CUX1: variants seen among roughly 807,000 people sequenced by gnomAD.
CUX1 encodes cut like homeobox 1.
In CUX1, 31 loss-of-function variants were observed where a neutral mutation model predicts 158.8. That is an observed-to-expected ratio of 0.20 (90% CI 0.15 to 0.26). The LOEUF is 0.26. Among genes scored for constraint, CUX1 ranks in the 10% least tolerant of loss-of-function variants. CUX1 has a pLI of 1.00. For synonymous variants in CUX1, 879 were observed against 862.1 expected, an observed-to-expected ratio of 1.02 and a Z score of -0.34; for missense variants, 1,589 against 2,014.6, an observed-to-expected ratio of 0.79 and a Z score of 4.04.
chr7:101,961,777 G>A (rs1263577329), intron 2 of CUX1: 2 of 151,286 alleles, frequency 1.3e-5, no homozygotes, highest in Non-Finnish European at 2.9e-5. Context: ...TCCAGAGGCT[G>A]AGGCAGGAAG....
chr7:102,075,573 A>C (rs575384495), intron 4 of CUX1, among the ~76,000 whole-genome samples: 13 of 152,336 alleles, frequency 8.5e-5, no homozygotes, highest in Non-Finnish European at 1.8e-4. Context: ...TGCTAAATGA[A>C]TGCAGAAATT....
chr7:102,203,035 C>T (rs1275442804), intron 18 of CUX1, among the ~76,000 whole-genome samples: 4 of 152,160 alleles, frequency 2.6e-5, no homozygotes, highest in African/African-American at 9.7e-5. Flanking sequence ...GACGCTATCT[C>T]GGCTCACTGC....
Position 102,257,810 on chromosome 7 carries a change from G to A in CUX1, c.*8768G>A, listed in dbSNP as rs1790061194. On this transcript the variant is annotated 3_prime_UTR_variant, in exon 24 of 24. Transcript: ENST00000292535. ...TCTTAGATCTTTCTAGAGCTTGTTT[G>A]TTCATCCTCACAATCACAGATTTTT... is the stretch of plus-strand genomic sequence containing the variant. 1 of 979,790 alleles carries A rather than the reference G, an allele frequency of 1.0e-6. No homozygotes were observed. Among genetic ancestry groups the A allele is most frequent in the Non-Finnish European group, 1.2e-6 (1 of 829,140 alleles). 60.7% of individuals were successfully genotyped at this position (979,790 alleles called of 1,614,324 possible).
intron 6 of CUX1, among the ~76,000 whole-genome samples, chr7:102,105,073 G>C (rs1830189734): frequency 6.6e-6 from 1 of 152,174 alleles, no homozygotes; most frequent in South Asian, 2.1e-4. Flanking sequence ...CCTGGGCTGA[G>C]ACCAGAGAGG....
intron 20 of CUX1, among the ~76,000 whole-genome samples, chr7:102,219,724 G>A (rs1400371424): frequency 1.3e-5 from 2 of 152,228 alleles, no homozygotes; most frequent in African/African-American, 4.8e-5. Context: ...GGAAGGAGGT[G>A]CAGAAAGCTC....
intron 1 of CUX1, among the ~76,000 whole-genome samples, chr7:101,904,912 G>A (rs1290010679): frequency 2.6e-5 from 4 of 152,176 alleles, no homozygotes; most frequent in Admixed American, 1.3e-4. Flanking sequence ...ATCTTTATAC[G>A]AGGTGGAGTC....
chr7:102,251,354 T>A lies in CUX1; in HGVS notation c.*2312T>A. ...TTGACTGTAAGATGTGAAACCACGT[T>A]TCTTGCATGATGTTTTAGAGATTAT... On this transcript the variant is annotated 3_prime_UTR_variant, in exon 24 of 24. Coordinates refer to ENST00000292535, the MANE Select transcript of CUX1 (RefSeq NM_181552.4). The A allele has an allele frequency of 1.0e-6, 1 of 985,454 alleles. No homozygotes were observed. The highest frequency in any genetic ancestry group is 1.2e-6 in the Non-Finnish European group (1 of 829,932). 61.0% of individuals were successfully genotyped at this position (985,454 alleles called of 1,614,324 possible).
chr7:101,955,334 T>C (rs946832709), intron 2 of CUX1, among the ~76,000 whole-genome samples: 5 of 152,224 alleles, frequency 3.3e-5, no homozygotes, highest in Non-Finnish European at 7.3e-5. Flanking sequence ...AGCAAGCACC[T>C]GCTGCTTGTA....
intron 8 of CUX1, among the ~76,000 whole-genome samples, chr7:102,151,422 G>A (rs1035262991): frequency 3.9e-5 from 6 of 152,106 alleles, no homozygotes; most frequent in South Asian, 2.1e-4. Flanking sequence ...GTGTGGTGGC[G>A]CATACCTGTA....
intron 2 of CUX1, among the ~76,000 whole-genome samples, chr7:101,959,782 G>A (rs1810240891): frequency 6.6e-6 from 1 of 152,128 alleles, no homozygotes; most frequent in Admixed American, 6.5e-5. Flanking sequence ...TAATTAATGG[G>A]AAGGTGTTCT....
intron 2 of CUX1, among the ~76,000 whole-genome samples, chr7:101,957,078 T>C (rs1197036230): frequency 6.6e-6 from 1 of 152,240 alleles, no homozygotes; most frequent in Non-Finnish European, 1.5e-5. Context: ...TAAATGATGC[T>C]AAAAATCATT....
intron 13 of CUX1, 54 bp from the exon 14 acceptor site, chr7:102,195,453 G>A (rs950801951): frequency 2.1e-6 from 3 of 1,459,000 alleles, no homozygotes; most frequent in Admixed American, 1.9e-5. Flanking sequence ...TGGTGGCCCC[G>A]GGAGCGGGTG....
intron 1 of CUX1, among the ~76,000 whole-genome samples, chr7:101,846,059 A>G (rs1795663524): frequency 6.6e-6 from 1 of 152,020 alleles, no homozygotes; most frequent in South Asian, 2.1e-4. Context: ...AGGCCTCCTG[A>G]GACAGAATCT....
At chr7:102,028,292 C>T (rs763798969) in intron 3 of CUX1, 147 bp downstream of exon 3, 33 of 754,520 alleles carry the variant, frequency 4.4e-5, no homozygotes, top group African/African-American at 2.5e-4. Context: ...GCAGATTTTG[C>T]GCTCTGTGAT....
intron 2 of CUX1, among the ~76,000 whole-genome samples, chr7:101,918,023 G>C (rs1274198222): frequency 1.3e-5 from 2 of 152,058 alleles, no homozygotes; most frequent in East Asian, 1.9e-4. Flanking sequence ...AACAAACAAA[G>C]AAACAAAAAA....
intron 10 of CUX1, among the ~76,000 whole-genome samples, chr7:102,174,408 C>T (rs576825407): frequency 3.3e-5 from 5 of 152,132 alleles, no homozygotes; most frequent in East Asian, 1.9e-4. Context: ...CGTGAGCCAC[C>T]GCACCCAGCC....
intron 4 of CUX1, among the ~76,000 whole-genome samples, chr7:102,096,468 G>A (rs573197316): frequency 2.2e-4 from 33 of 152,304 alleles, no homozygotes; most frequent in African/African-American, 7.7e-4. Flanking sequence ...AATCCTTTGG[G>A]AGGCTGAGGC....
chr7:101,911,814 C>T (rs763768637), intron 1 of CUX1, among the ~76,000 whole-genome samples: 36 of 152,332 alleles, frequency 2.4e-4, no homozygotes, highest in Middle Eastern at 3.4e-3. Flanking sequence ...TAAGGTGGAC[C>T]GGGCCACACG....
chr7:102,279,693 G>A (rs1338456212), intron 18 of CUX1, among the ~76,000 whole-genome samples: 42 of 152,248 alleles, frequency 2.8e-4, no homozygotes, highest in African/African-American at 8.9e-4. Flanking sequence ...GCTGGGGGGC[G>A]TCTCCTCTCC....
Sources: gnomAD v4.1 joint callset for allele counts (sites outside exome capture counted in the v4.1 genomes callset) on GRCh38, gnomAD v4.1.1 for gene constraint, MANE v1.5 for transcripts, NCBI Gene and HGNC (gene_info 2026-07-23, HGNC 2026-07-21) for gene names.